Variants in DOCK1 observed in about 807,000 individuals in gnomAD.
DOCK1 encodes the protein dedicator of cytokinesis protein 1.
A neutral mutation model predicts 262.7 loss-of-function variants in DOCK1; 138 were observed. That is an observed-to-expected ratio of 0.53 (90% CI 0.46 to 0.61). The LOEUF is 0.61. Among genes scored for constraint, DOCK1 ranks in the 20% least tolerant of loss-of-function variants. The pLI, the probability that DOCK1 is intolerant of heterozygous loss-of-function variation, is 0.00. For missense variants in DOCK1, 1,908 were observed against 2,370.7 expected, an observed-to-expected ratio of 0.80 and a Z score of 4.05; for synonymous variants, 866 against 867.4, an observed-to-expected ratio of 1.00 and a Z score of 0.03.
At chr10:127,384,742 C>T (rs534152843) in intron 37 of DOCK1, 48 bp from the exon 38 acceptor site, 3 of 1,503,006 alleles carry the variant, frequency 2.0e-6, no homozygotes, top group Admixed American at 2.4e-5. Flanking sequence ...TTCTGACGTC[C>T]CTGGGTGTTT....
chr10:127,195,824 G>T (rs2057089536), intron 27 of DOCK1, among the ~76,000 whole-genome samples: 1 of 152,152 alleles, frequency 6.6e-6, no homozygotes, highest in Non-Finnish European at 1.5e-5. Flanking sequence ...GTCCGCTCCC[G>T]GCTGCACCGG....
chr10:127,205,657 A>G (rs2057686079), intron 27 of DOCK1, among the ~76,000 whole-genome samples: 1 of 152,236 alleles, frequency 6.6e-6, no homozygotes, highest in Admixed American at 6.5e-5. Flanking sequence ...ATGACAATAC[A>G]TATTTTGTTA....
chr10:126,949,365 C>G (rs1312810927), intron 1 of DOCK1, among the ~76,000 whole-genome samples: 4 of 152,076 alleles, frequency 2.6e-5, no homozygotes, highest in Non-Finnish European at 5.9e-5. Context: ...CAAGTGCAAC[C>G]CAGGCAGGAT....
intron 1 of DOCK1, among the ~76,000 whole-genome samples, chr10:126,949,540 T>C (rs1254922628): frequency 6.6e-6 from 1 of 152,160 alleles, no homozygotes; most frequent in Non-Finnish European, 1.5e-5. Flanking sequence ...CATCCCCTGC[T>C]TAATTTCAGA....
chr10:127,023,909 C>T (rs374332705), intron 14 of DOCK1, among the ~76,000 whole-genome samples: 14 of 152,134 alleles, frequency 9.2e-5, no homozygotes, highest in African/African-American at 3.1e-4. Flanking sequence ...AATTGCTCAG[C>T]GTTAGAGAGC....
intron 38 of DOCK1, among the ~76,000 whole-genome samples, chr10:127,395,861 C>G (rs11017839): frequency 1.3e-5 from 2 of 152,222 alleles, no homozygotes; most frequent in African/African-American, 4.8e-5. Context: ...ACCCACTGGC[C>G]TAGAAGCCAA....
At chr10:126,998,451 G>T (rs1010040890) in intron 8 of DOCK1, 2 of 565,260 alleles carry the variant, frequency 3.5e-6, no homozygotes, top group Non-Finnish European at 6.2e-6. Flanking sequence ...ACCTTCTTGC[G>T]TGTAGATTGC....
At chr10:127,276,087 C>G (rs886825916) in intron 29 of DOCK1, among the ~76,000 whole-genome samples, 1 of 152,162 alleles carries the variant, frequency 6.6e-6, no homozygotes, top group Admixed American at 6.5e-5. Context: ...GAACATTTCT[C>G]GATGGATCTT....
intron 51 of DOCK1, among the ~76,000 whole-genome samples, chr10:127,450,279 G>A (rs1032745155): frequency 8.5e-5 from 13 of 152,148 alleles, no homozygotes; most frequent in African/African-American, 2.7e-4. Flanking sequence ...AGACTACTGC[G>A]TCACTGTCTA....
intron 27 of DOCK1, among the ~76,000 whole-genome samples, chr10:127,159,214 T>G (rs186200568): frequency 2.0e-4 from 31 of 152,354 alleles, no homozygotes; most frequent in Admixed American, 2.0e-3. Flanking sequence ...CATTTCTGTT[T>G]TGTAGTGAAC....
intron 1 of DOCK1, among the ~76,000 whole-genome samples, chr10:126,906,205 CG>C (rs1490507341): frequency 6.6e-6 from 1 of 152,174 alleles, no homozygotes; most frequent in Non-Finnish European, 1.5e-5. Context: ...TCCGGGAGAG[CG>C]GGGGCCTGTT....
rs184210896 is a variant in DOCK1 at position 127,197,253 on chromosome 10, C to G, written c.2848-50755C>G. On this transcript the variant is annotated intron_variant, in intron 27 of 51. Coordinates refer to ENST00000623213, the MANE Select transcript of DOCK1 (RefSeq NM_001290223.2). ...CTAGCCAGGAACCCTACCCCCCATCCAGAGCACACACCACCCGTCAGCAGA... is the reference window on the plus strand; with the variant it reads ...CTAGCCAGGAACCCTACCCCCCATCGAGAGCACACACCACCCGTCAGCAGA... 7.6e-3 allele frequency among the ~76,000 whole-genome samples: 1,150 copies of G among 152,288 alleles called. 7 individuals are homozygous for G. Among genetic ancestry groups the G allele is most frequent in the African/African-American group, 0.017 (694 of 41,564 alleles).
chr10:126,925,930 T>C (rs1182451758), intron 1 of DOCK1, among the ~76,000 whole-genome samples: 1 of 151,986 alleles, frequency 6.6e-6, no homozygotes, highest in East Asian at 1.9e-4. Flanking sequence ...ACACTGAGAA[T>C]CTTTGGCCCT....
rs116190906 is a variant in DOCK1 at position 127,305,594 on chromosome 10, G to T, written c.3045-33412G>T. 1.8e-3 allele frequency among the ~76,000 whole-genome samples: 281 copies of T among 152,238 alleles called. 1 individual carries two copies. The highest frequency in any genetic ancestry group is 6.4e-3 in the African/African-American group (265 of 41,538). On this transcript the variant is annotated intron_variant, in intron 29 of 51. Transcript: ENST00000623213. ...TAAAGAAATGAGATGTGCCCTCAGG[G>T]AGCTCAGACAAGGAGCTGCTGGAGA... is the stretch of plus-strand genomic sequence containing the variant.
At position 127,175,868 on chromosome 10, in the gene DOCK1, A is replaced by G. The variant is rs1452835372; in HGVS notation, c.2847+48104A>G. 6.2e-6 allele frequency: 10 copies of G among 1,614,022 alleles called. No homozygotes were observed. The highest frequency in any genetic ancestry group is 7.6e-6 in the Non-Finnish European group (9 of 1,180,032). On this transcript the variant is annotated intron_variant, in intron 27 of 51. Transcript: ENST00000623213. This position sits in a 1 kb window ranked among gnomAD's most constrained non-coding sequence, Gnocchi z 6.3. ...CCACTGTGTTCATGTGTTGGTTGGA[A>G]TGGAAAACCAAGGCTGTGGTCTTGT...
intron 27 of DOCK1, among the ~76,000 whole-genome samples, chr10:127,138,271 T>A (rs997288005): frequency 6.6e-6 from 1 of 152,202 alleles, no homozygotes; most frequent in Non-Finnish European, 1.5e-5. Context: ...ATGTGCACAG[T>A]TGGTGTATGT....
chr10:126,939,888 T>C (rs988541736), intron 1 of DOCK1, among the ~76,000 whole-genome samples: 4 of 152,208 alleles, frequency 2.6e-5, no homozygotes, highest in Non-Finnish European at 5.9e-5. Flanking sequence ...ATGTCCCCAA[T>C]GAAGGAGACT....
chr10:127,194,841 A>C (rs888866152), intron 27 of DOCK1, among the ~76,000 whole-genome samples: 1 of 152,136 alleles, frequency 6.6e-6, no homozygotes, highest in Non-Finnish European at 1.5e-5. Flanking sequence ...CCACTCTTGC[A>C]GTTTCACCTC....
chr10:126,981,814 C>T (rs144550121), intron 3 of DOCK1, 104 bp from the exon 4 acceptor site: 34 of 1,091,848 alleles, frequency 3.1e-5, no homozygotes, highest in African/African-American at 2.1e-4. Flanking sequence ...AAATTAAGAG[C>T]GATCTAGCCA....
Sources: allele counts gnomAD v4.1 joint callset (sites outside exome capture counted in the v4.1 genomes callset), GRCh38; gene constraint gnomAD v4.1.1; non-coding constraint Gnocchi (gnomAD v3.1); transcripts MANE v1.5; gene names NCBI Gene and HGNC (gene_info 2026-07-23, HGNC 2026-07-21).